The following PPM1E variants were observed in gnomAD, a reference collection of about 807,000 sequenced individuals.
PPM1E encodes protein phosphatase 1E.
Under a neutral mutation model 65.9 loss-of-function variants are expected in PPM1E, and 20 were observed. The observed-to-expected ratio is 0.30, with a 90% CI of 0.21 to 0.44. The LOEUF (loss-of-function observed/expected upper bound fraction) is 0.44. Among genes scored for constraint, PPM1E ranks in the 20% least tolerant of loss-of-function variants. PPM1E has a pLI of 1.00. For missense variants in PPM1E, 713 were observed against 953.1 expected (o/e 0.75, Z 3.32); for synonymous variants, 352 against 374.9 (o/e 0.94, Z 0.70).
chr17:58,934,562 T>A (rs960409424), intron 1 of PPM1E, among the ~76,000 whole-genome samples: 1 of 152,186 alleles, frequency 6.6e-6, no homozygotes, highest in Non-Finnish European at 1.5e-5. Context: ...ATCTGGGCAC[T>A]AGACATCAAA....
chr17:58,972,043 C>A, intron 4 of PPM1E, 89 bp from the exon 5 acceptor site: 2 of 1,280,568 alleles, frequency 1.6e-6, no homozygotes, highest in Non-Finnish European at 2.2e-6. Context: ...TAGCTCCCAG[C>A]TGAAAAGCTT....
chr17:58,851,771 A>G (rs539290969), intron 1 of PPM1E, among the ~76,000 whole-genome samples: 3 of 152,312 alleles, frequency 2.0e-5, no homozygotes, highest in South Asian at 2.1e-4. Flanking sequence ...TCAGATCTCA[A>G]ATTCCATGCT....
At chr17:58,966,461 A>G (rs1057300781) in intron 3 of PPM1E, 9 of 256,748 alleles carry the variant, frequency 3.5e-5, no homozygotes, top group African/African-American at 1.9e-4. Flanking sequence ...TTTCTATAGT[A>G]TAATCAAATG....
chr17:58,977,440 CAAAAA>C (rs1282159101), intron 6 of PPM1E, among the ~76,000 whole-genome samples: 1 of 62,102 alleles, frequency 1.6e-5, no homozygotes, highest in Non-Finnish European at 3.4e-5. Flanking sequence ...GACTCTGTCT[CAAAAA>C]AAAAAAAAAA....
intron 1 of PPM1E, among the ~76,000 whole-genome samples, chr17:58,949,776 A>G (rs1232730951): frequency 6.6e-6 from 1 of 152,020 alleles, no homozygotes; most frequent in Non-Finnish European, 1.5e-5. Context: ...GCCCTTGAAC[A>G]TTTCTCTTGG....
chr17:58,845,383 T>A (rs2050761127), intron 1 of PPM1E, among the ~76,000 whole-genome samples: 1 of 151,942 alleles, frequency 6.6e-6, no homozygotes, highest in African/African-American at 2.4e-5. Context: ...AGTATACAAT[T>A]TATTGGTATT....
intron 1 of PPM1E, among the ~76,000 whole-genome samples, chr17:58,836,535 G>A (rs2050658469): frequency 6.6e-6 from 1 of 150,808 alleles, no homozygotes; most frequent in Non-Finnish European, 1.5e-5. Context: ...TGCAATCTTG[G>A]CTCACTGCAA....
intron 1 of PPM1E, among the ~76,000 whole-genome samples, chr17:58,929,669 A>G (rs139286124): frequency 6.6e-6 from 1 of 152,306 alleles, no homozygotes; most frequent in African/African-American, 2.4e-5. Flanking sequence ...GAACATTTGT[A>G]TAATAGAATA....
At chr17:58,959,685 A>T (rs1464977061) in intron 2 of PPM1E, among the ~76,000 whole-genome samples, 1 of 151,494 alleles carries the variant, frequency 6.6e-6, no homozygotes, top group Admixed American at 6.6e-5. Context: ...AAAAAAAAAA[A>T]TCTTAAGTAA....
intron 1 of PPM1E, among the ~76,000 whole-genome samples, chr17:58,837,608 C>T (rs1161402158): frequency 6.6e-6 from 1 of 151,614 alleles, no homozygotes; most frequent in Non-Finnish European, 1.5e-5. Flanking sequence ...AGTGATTCTC[C>T]TGCCTCAGCC....
At chr17:58,951,877 T>C (rs1488136903) in intron 1 of PPM1E, among the ~76,000 whole-genome samples, 1 of 152,216 alleles carries the variant, frequency 6.6e-6, no homozygotes, top group Non-Finnish European at 1.5e-5. Context: ...GGTTTGTTCC[T>C]GGAAAATTAT....
At chr17:58,888,549 A>C (rs2143420434) in intron 1 of PPM1E, among the ~76,000 whole-genome samples, 1 of 151,972 alleles carries the variant, frequency 6.6e-6, no homozygotes, top group African/African-American at 2.4e-5. Context: ...TTTTTAGTAG[A>C]GACGGGGTTT....
intron 2 of PPM1E, among the ~76,000 whole-genome samples, 193 bp from the exon 3 acceptor site, chr17:58,965,501 C>T (rs2143674122): frequency 6.6e-6 from 1 of 152,184 alleles, no homozygotes; most frequent in Non-Finnish European, 1.5e-5. Context: ...CAGCTGCAGG[C>T]TGATGATTTT....
chr17:58,773,804 G>A (rs1253960632), intron 1 of PPM1E, among the ~76,000 whole-genome samples: 3 of 152,082 alleles, frequency 2.0e-5, no homozygotes, highest in Non-Finnish European at 2.9e-5. Context: ...AAATTCCTGT[G>A]CTCCTGCCCG....
intron 1 of PPM1E, among the ~76,000 whole-genome samples, chr17:58,817,330 T>G (rs1229244387): frequency 6.6e-6 from 1 of 152,154 alleles, no homozygotes; most frequent in Non-Finnish European, 1.5e-5. Context: ...GTCTAATCGT[T>G]TGAGGAACTG....
At chr17:58,914,398 T>C (rs1038965024) in intron 1 of PPM1E, among the ~76,000 whole-genome samples, 1 of 152,196 alleles carries the variant, frequency 6.6e-6, no homozygotes, top group Non-Finnish European at 1.5e-5. Flanking sequence ...TCTGTGACAG[T>C]TGCTCAATCC....
At chr17:58,794,568 T>G (rs1216568363) in intron 1 of PPM1E, among the ~76,000 whole-genome samples, 1 of 152,144 alleles carries the variant, frequency 6.6e-6, no homozygotes, top group Admixed American at 6.6e-5. Flanking sequence ...TCTCCCACTC[T>G]TCATCTTCCG....
chr17:58,932,030 T>A (rs2051906775), intron 1 of PPM1E, among the ~76,000 whole-genome samples: 1 of 152,098 alleles, frequency 6.6e-6, no homozygotes, highest in African/African-American at 2.4e-5. Flanking sequence ...AATTTCAGCA[T>A]TTTGGGAGGC....
At chr17:58,806,000 CAAAAA>C (rs398079071) in intron 1 of PPM1E, among the ~76,000 whole-genome samples, 8 of 69,682 alleles carry the variant, frequency 1.1e-4, no homozygotes, top group Non-Finnish European at 2.1e-4. Flanking sequence ...CAAAACAAAA[CAAAAA>C]AAAAACTATA....
Sources: allele counts gnomAD v4.1 joint callset (sites outside exome capture counted in the v4.1 genomes callset), GRCh38; gene constraint gnomAD v4.1.1; transcripts MANE v1.5; gene names NCBI Gene and HGNC (gene_info 2026-07-23, HGNC 2026-07-21).